The following ADGRB1 variants were observed in gnomAD, a reference collection of about 807,000 sequenced individuals.
ADGRB1 encodes the protein brain-specific angiogenesis inhibitor 1.
ADGRB1 carries 36 observed loss-of-function variants against 175.7 expected under a neutral mutation model. The ratio of observed to expected loss-of-function variants is 0.20; its 90% CI spans 0.16 to 0.27. ADGRB1 has a LOEUF of 0.27. ADGRB1 is among the 10% of genes least tolerant of loss of function. The pLI is 1.00. For synonymous variants in ADGRB1, 1,054 were observed against 979.4 expected (o/e 1.08, Z -1.42); for missense variants, 1,731 against 2,255.3 (o/e 0.77, Z 4.71).
At chr8:142,502,419 G>A (rs1317437697) in intron 17 of ADGRB1, among the ~76,000 whole-genome samples, 2 of 62,246 alleles carry the variant, frequency 3.2e-5, no homozygotes, top group African/African-American at 6.2e-5. Flanking sequence ...TGGTGGTGGT[G>A]ATGGTGGTGG....
chr8:142,490,888 G>A, intron 17 of ADGRB1, 73 bp downstream of exon 17: 1 of 1,522,166 alleles, frequency 6.6e-7, no homozygotes, highest in South Asian at 1.2e-5. Context: ...AGTAGGGGAG[G>A]GGTGCAGGTT....
intron 2 of ADGRB1, among the ~76,000 whole-genome samples, chr8:142,473,792 A>G (rs947370763): frequency 2.0e-5 from 3 of 152,172 alleles, no homozygotes; most frequent in African/African-American, 4.8e-5. Flanking sequence ...GGAGAAAATG[A>G]GGCCTCCCAC....
intron 23 of ADGRB1, 55 bp from the exon 24 acceptor site, chr8:142,526,487 C>G (rs1587415002): frequency 1.4e-6 from 2 of 1,449,706 alleles, no homozygotes; most frequent in East Asian, 4.9e-5. Context: ...CAGTGTCAGC[C>G]CCTGAGCCTA....
Position 142,544,330 on chromosome 8 carries a change from G to A in ADGRB1, c.4668G>A (p.Leu1556=). 1 of 1,548,582 alleles carries A rather than the reference G, an allele frequency of 6.5e-7. No individual in the cohort carries two copies. Among genetic ancestry groups the A allele is most frequent in the Non-Finnish European group, 8.7e-7 (1 of 1,146,216 alleles). Residue 1556 remains leucine, a synonymous_variant, in exon 31 of 31, where the codon CTG becomes CTA. Coordinates refer to ENST00000517894, the MANE Select transcript of ADGRB1 (RefSeq NM_001702.3). ...KELEPLQPSP[L]ELRSVEWERS... is the part of the protein sequence containing the mutation. ...TGGAGCCGCTGCAGCCGTCGCCGCT[G>A]GAGCTTCGCAGCGTGGAGTGGGAGA...
At chr8:142,526,216 C>T (rs1487056531) in intron 23 of ADGRB1, among the ~76,000 whole-genome samples, 1 of 152,152 alleles carries the variant, frequency 6.6e-6, no homozygotes, top group Non-Finnish European at 1.5e-5. Flanking sequence ...GATTGGTGTC[C>T]CTTAGACAGG....
rs1037574646 is a variant in ADGRB1 at position 142,520,919 on chromosome 8, C to A, written c.3018C>A (p.Arg1006=). The A allele has an allele frequency of 1.2e-6, 2 of 1,612,888 alleles. No homozygotes were observed. The highest frequency in any genetic ancestry group is 1.7e-6 in the Non-Finnish European group (2 of 1,179,010). Residue 1006 remains arginine (R), a synonymous_variant, in exon 20 of 31, where the codon CGC becomes CGA. Coordinates refer to ENST00000517894, the MANE Select transcript of ADGRB1 (RefSeq NM_001702.3). The part of the protein sequence containing the change: ...ALILIGQTQT[R]NKVVCTLVAA... ...TCCTCATCGGGCAGACCCAGACCCG[C>A]AACAAGGTAGGCAGCCTTGCGTCCT...
At chr8:142,529,650 G>T (rs570478681) in intron 24 of ADGRB1, among the ~76,000 whole-genome samples, 2 of 151,530 alleles carry the variant, frequency 1.3e-5, no homozygotes, top group East Asian at 3.9e-4. Flanking sequence ...ATCTGTATAT[G>T]CGTGTGTGAG....
chr8:142,475,253 A>G (rs76305929), intron 2 of ADGRB1, among the ~76,000 whole-genome samples: 2,516 of 152,246 alleles, frequency 0.017, 82 homozygotes, highest in African/African-American at 0.058. Context: ...CGGCTGGCAC[A>G]CGGGGACCCT....
intron 17 of ADGRB1, among the ~76,000 whole-genome samples, chr8:142,503,561 G>A (rs977166984): frequency 1.3e-5 from 2 of 152,114 alleles, no homozygotes; most frequent in East Asian, 3.9e-4. Flanking sequence ...CAGCAGGTGC[G>A]GGTCTGCATG....
intron 24 of ADGRB1, among the ~76,000 whole-genome samples, chr8:142,527,876 G>A (rs1844307849): frequency 6.6e-6 from 1 of 152,252 alleles, no homozygotes; most frequent in Non-Finnish European, 1.5e-5. Flanking sequence ...TGGAGGTTTA[G>A]GGAGGTTGAG....
At chr8:142,529,944 CTGTG>C (rs1301888927) in intron 24 of ADGRB1, among the ~76,000 whole-genome samples, 2 of 131,950 alleles carry the variant, frequency 1.5e-5, no homozygotes, top group African/African-American at 5.8e-5. Context: ...GAGCGTGCAT[CTGTG>C]TGAGTGCAAC....
At chr8:142,497,043 T>C (rs1195848459) in intron 17 of ADGRB1, among the ~76,000 whole-genome samples, 2 of 152,222 alleles carry the variant, frequency 1.3e-5, no homozygotes, top group African/African-American at 2.4e-5. Context: ...AAGCTCAGCC[T>C]CAGGCCAGGC....
chr8:142,493,389 G>A lies in ADGRB1; in HGVS notation c.2675+2574G>A, dbSNP rs1842070508. 6.6e-6 allele frequency among the ~76,000 whole-genome samples: 1 copy of A among 152,106 alleles called. No individual in the cohort carries two copies. The highest frequency in any genetic ancestry group is 2.4e-5 in the African/African-American group (1 of 41,442). ...AGCAGGACGGCGGTCAAGTCCCCAG[G>A]GTGTTTGGCGTCCGCGTGGCCTCTG... On this transcript the variant is annotated intron_variant, in intron 17 of 30. Coordinates refer to ENST00000517894, the MANE Select transcript of ADGRB1 (RefSeq NM_001702.3). This position sits in a 1 kb window ranked among gnomAD's most constrained non-coding sequence, Gnocchi z 5.0.
chr8:142,520,522 GTGA>G (rs1843768760), intron 19 of ADGRB1, among the ~76,000 whole-genome samples: 2 of 126,166 alleles, frequency 1.6e-5, no homozygotes, highest in African/African-American at 5.9e-5. Flanking sequence ...AGTGGTGGTG[GTGA>G]TGGTGGTAGT....
chr8:142,464,650 C>T lies in ADGRB1; in HGVS notation c.452C>T (p.Pro151Leu). ...QFLQMRRQQP[P>L]QHDGLRPRAG... ...CTGCAGATGCGGCGCCAGCAGCCGCCCCAGCACGACGGGCTCCGGCCCCGG... is the reference window on the plus strand; with the variant it reads ...CTGCAGATGCGGCGCCAGCAGCCGCTCCAGCACGACGGGCTCCGGCCCCGG... The change falls in exon 2 of 31, where the codon CCC becomes CTC. Residue 151 changes from proline to leucine, a missense_variant. By Grantham distance (98) the Pro-to-Leu change is moderately conservative (BLOSUM62 -3). This residue lies in a region of ADGRB1 where 383 missense variants were observed against 383.1 expected (regional missense o/e 1.00). Coordinates refer to ENST00000517894, the MANE Select transcript of ADGRB1 (RefSeq NM_001702.3). 6.6e-7 allele frequency: 1 copy of T among 1,521,906 alleles called. No homozygotes were observed. The highest frequency in any genetic ancestry group is 8.8e-7 in the Non-Finnish European group (1 of 1,140,028). 94.3% of individuals were successfully genotyped at this position (1,521,906 alleles called of 1,614,324 possible).
intron 18 of ADGRB1, among the ~76,000 whole-genome samples, chr8:142,512,482 C>T (rs932738187): frequency 6.6e-6 from 1 of 152,198 alleles, no homozygotes; most frequent in African/African-American, 2.4e-5. Context: ...TGTGGGTGTT[C>T]GAGGAGGACC....
intron 17 of ADGRB1, among the ~76,000 whole-genome samples, chr8:142,503,698 C>G (rs1842733127): frequency 6.6e-6 from 1 of 152,090 alleles, no homozygotes; most frequent in South Asian, 2.1e-4. Context: ...GCAGCCAGCA[C>G]CCTGCCCTCT....
At chr8:142,523,444 C>T (rs531511110) in intron 22 of ADGRB1, among the ~76,000 whole-genome samples, 13 of 151,838 alleles carry the variant, frequency 8.6e-5, no homozygotes, top group African/African-American at 2.9e-4. Context: ...CCCCTGGGGA[C>T]AGGATGTGGC....
At position 142,492,847 on chromosome 8, in the gene ADGRB1, G is replaced by T. The variant is rs898921369; in HGVS notation, c.2675+2032G>T. Among the ~76,000 whole-genome samples, 1 of 152,064 alleles carries T rather than the reference G, an allele frequency of 6.6e-6. No individual in the cohort carries two copies. The highest frequency in any genetic ancestry group is 2.4e-5 in the African/African-American group (1 of 41,402). ...GGTGGCAGTGCGGGGGCTGCAGGTG[G>T]GTCTCTCACCCCCACAGCCCCAGCA... On this transcript the variant is annotated intron_variant, in intron 17 of 30. Transcript: ENST00000517894. The surrounding 1 kb of genome is among the most constrained non-coding windows in gnomAD (Gnocchi z 4.4).
Sources: allele counts gnomAD v4.1 joint callset (sites outside exome capture counted in the v4.1 genomes callset), GRCh38; gene constraint gnomAD v4.1.1; regional missense constraint gnomAD v4.1.1; non-coding constraint Gnocchi (gnomAD v3.1); transcripts MANE v1.5; gene names NCBI Gene and HGNC (gene_info 2026-07-23, HGNC 2026-07-21).